NTNG1: variants seen among roughly 807,000 people sequenced by gnomAD.
The protein encoded by NTNG1 is netrin G1.
Under a neutral mutation model 54.0 loss-of-function variants are expected in NTNG1, and 16 were observed. That is an observed-to-expected ratio of 0.30 (90% CI 0.20 to 0.45). NTNG1 has a LOEUF of 0.45. Ranked by LOEUF, NTNG1 falls within the 20% of genes least tolerant of loss-of-function variation. The pLI is 1.00. For missense variants in NTNG1, 530 were observed against 678.7 expected, an observed-to-expected ratio of 0.78 and a Z score of 2.43; for synonymous variants, 255 against 263.1, an observed-to-expected ratio of 0.97 and a Z score of 0.30.
intron 3 of NTNG1, among the ~76,000 whole-genome samples, chr1:107,390,280 G>T (rs1341868140): frequency 6.6e-6 from 1 of 152,198 alleles, no homozygotes; most frequent in Non-Finnish European, 1.5e-5. Flanking sequence ...TTCAAGCAAT[G>T]CCCTTCCTCC....
At chr1:107,215,928 C>T (rs527461699) in intron 2 of NTNG1, among the ~76,000 whole-genome samples, 3 of 151,720 alleles carry the variant, frequency 2.0e-5, no homozygotes, top group South Asian at 4.2e-4. Flanking sequence ...GGATTGAGTT[C>T]TTGATTTGAT....
At position 107,247,395 on chromosome 1, in the gene NTNG1, A is replaced by C. The variant is rs1662276473; in HGVS notation, c.247-76887A>C. Among the ~76,000 whole-genome samples, 4 of 152,370 alleles carry C rather than the reference A, an allele frequency of 2.6e-5. No individual in the cohort carries two copies. In the South Asian group the frequency reaches 6.2e-4, roughly 24 times the overall value. On this transcript the variant is annotated intron_variant, in intron 2 of 7. Transcript: ENST00000370068. ...CACAGAGCTTGGAGTTAGATAGGCCAAGTTTCTCTACTACTGATGAGCTGT... is the reference window on the plus strand; with the variant it reads ...CACAGAGCTTGGAGTTAGATAGGCCCAGTTTCTCTACTACTGATGAGCTGT...
At chr1:107,252,053 G>A (rs1440161273) in intron 2 of NTNG1, among the ~76,000 whole-genome samples, 1 of 152,124 alleles carries the variant, frequency 6.6e-6, no homozygotes, top group Non-Finnish European at 1.5e-5. Context: ...TTCTGCCTAA[G>A]TTCCTCATTT....
chr1:107,342,723 C>T (rs551727663), intron 3 of NTNG1, among the ~76,000 whole-genome samples: 20 of 152,108 alleles, frequency 1.3e-4, no homozygotes, highest in Non-Finnish European at 2.9e-4. Flanking sequence ...CACTAAAACA[C>T]TCGTAACACA....
intron 2 of NTNG1, among the ~76,000 whole-genome samples, chr1:107,299,744 C>T (rs540616733): frequency 9.5e-4 from 145 of 152,222 alleles, no homozygotes; most frequent in Middle Eastern, 3.4e-3. Flanking sequence ...ATTGTGATCG[C>T]TTTATGAATG....
chr1:107,335,609 A>C (rs1668531089), intron 3 of NTNG1, among the ~76,000 whole-genome samples: 1 of 152,028 alleles, frequency 6.6e-6, no homozygotes, highest in African/African-American at 2.4e-5. Flanking sequence ...ACACAAATAT[A>C]GTTGGCTAAT....
At chr1:107,415,284 G>T (rs144203147) in intron 5 of NTNG1, among the ~76,000 whole-genome samples, 1 of 152,072 alleles carries the variant, frequency 6.6e-6, no homozygotes, top group Non-Finnish European at 1.5e-5. Context: ...ACAGTCAAAA[G>T]GTCCATAGTC....
At chr1:107,246,958 A>G (rs1404644670) in intron 2 of NTNG1, among the ~76,000 whole-genome samples, 1 of 108,302 alleles carries the variant, frequency 9.2e-6, no homozygotes, top group African/African-American at 2.6e-5. Context: ...GACATGTCAC[A>G]TTATCTGCCA....
At chr1:107,347,573 G>A (rs1669325948) in intron 3 of NTNG1, among the ~76,000 whole-genome samples, 1 of 152,144 alleles carries the variant, frequency 6.6e-6, no homozygotes, top group African/African-American at 2.4e-5. Context: ...GAGAGAATTA[G>A]CATATAGTGT....
intron 5 of NTNG1, among the ~76,000 whole-genome samples, chr1:107,418,921 C>G (rs1389279661): frequency 6.6e-6 from 1 of 151,938 alleles, no homozygotes; most frequent in East Asian, 1.9e-4. Flanking sequence ...CTGTTACCAC[C>G]ACAGTGTGGA....
At chr1:107,359,818 T>C (rs560165414) in intron 3 of NTNG1, among the ~76,000 whole-genome samples, 1 of 148,556 alleles carries the variant, frequency 6.7e-6, no homozygotes, top group Non-Finnish European at 1.5e-5. Context: ...TGTGATAAGA[T>C]GAAAAAAAAG....
intron 4 of NTNG1, among the ~76,000 whole-genome samples, chr1:107,407,114 A>C (rs112585547): frequency 6.6e-6 from 1 of 152,172 alleles, no homozygotes; most frequent in African/African-American, 2.4e-5. Context: ...TTGAGTTTCT[A>C]TTACAGAGTT....
intron 2 of NTNG1, among the ~76,000 whole-genome samples, chr1:107,241,737 T>C (rs1451210383): frequency 6.6e-6 from 1 of 152,146 alleles, no homozygotes; most frequent in Non-Finnish European, 1.5e-5. Flanking sequence ...TTTTAAAAAA[T>C]TTGATTGCTT....
intron 6 of NTNG1, among the ~76,000 whole-genome samples, chr1:107,433,129 A>C (rs1367900178): frequency 6.6e-6 from 1 of 152,238 alleles, no homozygotes; most frequent in Non-Finnish European, 1.5e-5. Context: ...AATTAAAATT[A>C]TAAACTTTTG....
intron 2 of NTNG1, among the ~76,000 whole-genome samples, chr1:107,166,286 A>G (rs1456243387): frequency 2.0e-5 from 3 of 152,192 alleles, no homozygotes; most frequent in South Asian, 2.1e-4. Flanking sequence ...TCCTTTTAAA[A>G]TAAGTTTCTT....
chr1:107,367,531 T>C (rs1670669928), intron 3 of NTNG1, among the ~76,000 whole-genome samples: 1 of 152,192 alleles, frequency 6.6e-6, no homozygotes, highest in African/African-American at 2.4e-5. Flanking sequence ...AATACCTTTA[T>C]GCCTGTGGAT....
rs776307720 is a variant in NTNG1, at chr1:107,481,214, C to T, written c.*374C>T. 1.2e-5 allele frequency: 3 copies of T among 240,318 alleles called. No homozygotes were observed. The highest frequency in any genetic ancestry group is 1.6e-5 in the Non-Finnish European group (2 of 123,506). 14.9% of individuals were successfully genotyped at this position (240,318 alleles called of 1,614,324 possible). On this transcript the variant is annotated 3_prime_UTR_variant, in exon 8 of 8. Transcript: ENST00000370068. ...AGCGTGGTGCGCCCTAGTACGACTC[C>T]GCCCAGTGTGTGGACCAACCAAATA...
chr1:107,155,580 CAT>C (rs1654928602), intron 2 of NTNG1, among the ~76,000 whole-genome samples: 1 of 152,112 alleles, frequency 6.6e-6, no homozygotes, highest in Non-Finnish European at 1.5e-5. Flanking sequence ...ACATTCGCTT[CAT>C]GTTTACTGTA....
intron 6 of NTNG1, among the ~76,000 whole-genome samples, chr1:107,434,993 G>T (rs1006993660): frequency 1.3e-5 from 2 of 152,052 alleles, no homozygotes; most frequent in African/African-American, 4.8e-5. Flanking sequence ...ATATATTATG[G>T]TTTAAATGTT....
Sources: allele counts gnomAD v4.1 joint callset (sites outside exome capture counted in the v4.1 genomes callset), GRCh38; gene constraint gnomAD v4.1.1; transcripts MANE v1.5; gene names NCBI Gene and HGNC (gene_info 2026-07-23, HGNC 2026-07-21).